RORA: variants seen among roughly 807,000 people sequenced by gnomAD.
RORA encodes the protein RAR related orphan receptor A.
RORA carries 7 observed loss-of-function variants against 69.5 expected under a neutral mutation model. The observed-to-expected ratio is 0.10, with a 90% confidence interval of 0.06 to 0.19. RORA has a LOEUF of 0.19. RORA is among the 10% of genes least tolerant of loss of function. The probability of loss-of-function intolerance (pLI) is 1.00; values close to 1 mark genes in which losing one functional copy is unlikely to be tolerated. For missense variants in RORA, 457 were observed against 663.0 expected (o/e 0.69, Z 3.41); for synonymous variants, 261 against 240.8 (o/e 1.08, Z -0.78).
chr15:61,195,605 A>G (rs1415556223), intron 1 of RORA, among the ~76,000 whole-genome samples: 1 of 152,130 alleles, frequency 6.6e-6, no homozygotes, highest in Non-Finnish European at 1.5e-5. Flanking sequence ...CCCATTGATA[A>G]GCAGTTGCCG....
intron 1 of RORA, among the ~76,000 whole-genome samples, chr15:61,194,287 C>T (rs143636278): frequency 9.2e-5 from 14 of 152,152 alleles, no homozygotes; most frequent in African/African-American, 2.6e-4. Flanking sequence ...AGGCCGGGCG[C>T]GGTGGCTCAT....
intron 2 of RORA, among the ~76,000 whole-genome samples, chr15:60,606,032 C>G (rs1467627347): frequency 1.3e-5 from 2 of 152,208 alleles, no homozygotes; most frequent in African/African-American, 2.4e-5. Context: ...CTCCAGATTT[C>G]TTCCCAGAAC....
At chr15:60,578,571 A>G (rs1311165169) in intron 2 of RORA, among the ~76,000 whole-genome samples, 2 of 152,196 alleles carry the variant, frequency 1.3e-5, no homozygotes, top group African/African-American at 2.4e-5. Flanking sequence ...CAGCTAGTTC[A>G]GCTCTTAACT....
At chr15:60,602,864 C>T (rs2068851130) in intron 2 of RORA, among the ~76,000 whole-genome samples, 1 of 152,068 alleles carries the variant, frequency 6.6e-6, no homozygotes, top group Non-Finnish European at 1.5e-5. Context: ...ATTGTTTAAC[C>T]ACAATTAAAT....
chr15:60,657,122 T>C (rs2070232932), intron 2 of RORA, among the ~76,000 whole-genome samples: 2 of 152,130 alleles, frequency 1.3e-5, no homozygotes, highest in Admixed American at 1.3e-4. Context: ...CAGGGTTTCT[T>C]GAACAAAGTA....
intron 2 of RORA, among the ~76,000 whole-genome samples, chr15:60,671,238 AG>A (rs1281650118): frequency 6.6e-6 from 1 of 151,984 alleles, no homozygotes; most frequent in Non-Finnish European, 1.5e-5. Context: ...CTAACAAAAA[AG>A]TATAAATTTA....
chr15:60,990,031 T>C (rs1894324514), intron 1 of RORA, among the ~76,000 whole-genome samples: 1 of 152,266 alleles, frequency 6.6e-6, no homozygotes, highest in Admixed American at 6.5e-5. Context: ...TGAGGTCATA[T>C]GATTAATACC....
chr15:60,738,345 C>T (rs2071529791), intron 1 of RORA, among the ~76,000 whole-genome samples: 1 of 151,966 alleles, frequency 6.6e-6, no homozygotes, highest in Non-Finnish European at 1.5e-5. Context: ...GTTACACAGA[C>T]TATTACACTT....
At chr15:60,673,569 A>G (rs2070507735) in intron 2 of RORA, among the ~76,000 whole-genome samples, 1 of 152,138 alleles carries the variant, frequency 6.6e-6, no homozygotes, top group African/African-American at 2.4e-5. Flanking sequence ...CTTTATTGCT[A>G]TTTTATGCTT....
At chr15:60,912,862 A>G (rs1891770659) in intron 1 of RORA, among the ~76,000 whole-genome samples, 1 of 152,236 alleles carries the variant, frequency 6.6e-6, no homozygotes, top group Non-Finnish European at 1.5e-5. Flanking sequence ...GGTGTGATTT[A>G]AAAATTTTTT....
At chr15:60,657,576 G>A (rs905613314) in intron 2 of RORA, among the ~76,000 whole-genome samples, 5 of 152,306 alleles carry the variant, frequency 3.3e-5, no homozygotes, top group South Asian at 4.1e-4. Flanking sequence ...CTATGCCAGC[G>A]TGCAGACCCT....
At chr15:61,066,668 T>C (rs1224454987) in intron 1 of RORA, among the ~76,000 whole-genome samples, 1 of 151,786 alleles carries the variant, frequency 6.6e-6, no homozygotes, top group Non-Finnish European at 1.5e-5. Context: ...CCTCAGGTGA[T>C]CCACCCACCT....
Position 60,534,893 on chromosome 15 carries a change from T to C in RORA, c.197-3042A>G, listed in dbSNP as rs1016496668. ...CCTCTCCATCCCCCATTTTAGTCAA[T>C]TTCCAGAATTCAAATGAATCCATGA... On this transcript the variant is annotated intron_variant, in intron 2 of 10. Transcript: ENST00000335670. This position sits in a 1 kb window ranked among gnomAD's most constrained non-coding sequence, Gnocchi z 5.0. 6.6e-6 allele frequency among the ~76,000 whole-genome samples: 1 copy of C among 152,142 alleles called. No individual in the cohort carries two copies. Among genetic ancestry groups the C allele is most frequent in the Non-Finnish European group, 1.5e-5 (1 of 68,010 alleles).
chr15:61,074,893 C>G (rs777983172), intron 1 of RORA, among the ~76,000 whole-genome samples: 13 of 151,872 alleles, frequency 8.6e-5, no homozygotes, highest in Non-Finnish European at 1.8e-4. Context: ...TTGAGTCCAG[C>G]CTGGCCAACA....
chr15:61,028,458 T>C (rs1895948325), intron 1 of RORA, among the ~76,000 whole-genome samples: 1 of 152,196 alleles, frequency 6.6e-6, no homozygotes, highest in South Asian at 2.1e-4. Context: ...GCTCCTACTA[T>C]GTGCGGGGCC....
chr15:60,538,836 C>G (rs1308076035), intron 2 of RORA, among the ~76,000 whole-genome samples: 4 of 152,030 alleles, frequency 2.6e-5, no homozygotes, highest in Non-Finnish European at 5.9e-5. Flanking sequence ...TGACATCTGA[C>G]TCAAATGAGT....
chr15:60,882,668 C>G (rs1352153796), intron 1 of RORA, among the ~76,000 whole-genome samples: 2 of 142,700 alleles, frequency 1.4e-5, no homozygotes, highest in African/African-American at 2.6e-5. Context: ...CACACACACA[C>G]ACAAACACAC....
At chr15:61,030,219 T>C (rs931442786) in intron 1 of RORA, among the ~76,000 whole-genome samples, 5 of 152,100 alleles carry the variant, frequency 3.3e-5, no homozygotes, top group African/African-American at 1.2e-4. Context: ...ACTAGTACCT[T>C]TGGCTATAAA....
At chr15:60,523,339 T>C (rs1223904699) in intron 3 of RORA, among the ~76,000 whole-genome samples, 1 of 152,212 alleles carries the variant, frequency 6.6e-6, no homozygotes, top group African/African-American at 2.4e-5. Context: ...TGCAGATAGA[T>C]GTAGGAGTTC....
Sources: gnomAD v4.1 joint callset for allele counts (sites outside exome capture counted in the v4.1 genomes callset) on GRCh38, gnomAD v4.1.1 for gene constraint, Gnocchi (gnomAD v3.1) non-coding constraint, MANE v1.5 for transcripts, NCBI Gene and HGNC (gene_info 2026-07-23, HGNC 2026-07-21) for gene names.